Variants in TMEM63C observed in about 807,000 individuals in gnomAD.
TMEM63C encodes the protein osmosensitive cation channel TMEM63C.
A neutral mutation model predicts 99.2 loss-of-function variants in TMEM63C; 32 were observed. The observed-to-expected ratio is 0.32, with a 90% CI of 0.24 to 0.43. The LOEUF (loss-of-function observed/expected upper bound fraction) is 0.43. Ranked by LOEUF, TMEM63C falls within the 20% of genes least tolerant of loss-of-function variation. TMEM63C has a pLI of 1.00. For synonymous variants in TMEM63C, 376 were observed against 397.9 expected, an observed-to-expected ratio of 0.94 and a Z score of 0.66; for missense variants, 826 against 1,053.0, an observed-to-expected ratio of 0.78 and a Z score of 2.98.
chr14:77,224,247 G>T (rs1409048323), intron 5 of TMEM63C, among the ~76,000 whole-genome samples: 1 of 151,856 alleles, frequency 6.6e-6, no homozygotes, highest in Non-Finnish European at 1.5e-5. Flanking sequence ...AAGCAACGAG[G>T]ACAGGCAAAA....
At position 77,236,561 on chromosome 14, in the gene TMEM63C, C is replaced by G; in HGVS notation, c.543-63C>G. The stretch of plus-strand genomic sequence containing the variant: ...AGGGTAGGAGGAGGCCCAGGGGTCT[C>G]TGTGCAGTGGGCTCTGGGGAGCTCA... On this transcript the variant is annotated intron_variant, in intron 8 of 23. Transcript: ENST00000298351. The G allele has an allele frequency of 6.7e-6, 8 of 1,201,968 alleles. No homozygotes were observed. The Middle Eastern group carries it at 9.5e-4, about 143-fold the overall frequency. 74.5% of individuals were successfully genotyped at this position (1,201,968 alleles called of 1,614,324 possible).
chr14:77,242,298 TC>T, intron 13 of TMEM63C, 48 bp from the exon 14 acceptor site: 9 of 1,416,728 alleles, frequency 6.4e-6, no homozygotes, highest in African/African-American at 2.8e-5. Context: ...CCTAAGCCCA[TC>T]CCCCCACCCC....
At chr14:77,198,335 C>CA (rs1440249468) in intron 1 of TMEM63C, among the ~76,000 whole-genome samples, 2 of 152,230 alleles carry the variant, frequency 1.3e-5, no homozygotes, top group Non-Finnish European at 2.9e-5. Flanking sequence ...GAAGAGAGGC[C>CA]ACACACTGTG....
intron 1 of TMEM63C, among the ~76,000 whole-genome samples, chr14:77,190,012 G>C (rs1888076324): frequency 6.6e-6 from 1 of 152,256 alleles, no homozygotes; most frequent in Middle Eastern, 3.4e-3. Context: ...TGATTTTTTA[G>C]AGATGAGATA....
At position 77,255,712 on chromosome 14, in the gene TMEM63C, C is replaced by T. The variant is rs568378334; in HGVS notation, c.2221-814C>T. 6.9e-4 allele frequency among the ~76,000 whole-genome samples: 105 copies of T among 152,312 alleles called. 1 individual carries two copies. The highest frequency in any genetic ancestry group is 1.4e-3 in the Non-Finnish European group (95 of 68,030). On this transcript the variant is annotated intron_variant, in intron 23 of 23. Transcript: ENST00000298351. ...GTTAATTCCCATTCATTAATGATGCCGTCATGACCTTCTAATTAGGGGAAT... is the reference window on the plus strand; with the variant it reads ...GTTAATTCCCATTCATTAATGATGCTGTCATGACCTTCTAATTAGGGGAAT...
At chr14:77,239,813 C>A (rs1889133001) in intron 12 of TMEM63C, 87 bp downstream of exon 12, 2 of 1,517,046 alleles carry the variant, frequency 1.3e-6, no homozygotes, top group East Asian at 2.3e-5. Context: ...CACTGTTGGG[C>A]CCCAGGCCTC....
intron 2 of TMEM63C, among the ~76,000 whole-genome samples, chr14:77,215,824 C>G (rs528246291): frequency 6.6e-5 from 10 of 152,260 alleles, no homozygotes; most frequent in African/African-American, 7.2e-5. Flanking sequence ...GCAGTTCCCC[C>G]CTCCTCCTAC....
chr14:77,246,051 C>T (rs894322466), intron 17 of TMEM63C, 25 bp downstream of exon 17: 2 of 1,559,194 alleles, frequency 1.3e-6, no homozygotes, highest in Non-Finnish European at 1.8e-6. Flanking sequence ...ATTATCCCTT[C>T]CTTCTTAGCC....
intron 6 of TMEM63C, among the ~76,000 whole-genome samples, chr14:77,226,844 T>C (rs414563): frequency 0.18 from 26,623 of 150,828 alleles, 2,611 homozygotes; most frequent in Non-Finnish European, 0.22. Context: ...CTCAGCTCAC[T>C]GCAACCTCCG....
chr14:77,209,616 G>A (rs2140102292), intron 1 of TMEM63C, among the ~76,000 whole-genome samples: 1 of 152,318 alleles, frequency 6.6e-6, no homozygotes, highest in East Asian at 1.9e-4. Flanking sequence ...GGCCAGCTGT[G>A]TAAAGAGGGT....
chr14:77,243,025 A>G lies in TMEM63C; in HGVS notation c.1310A>G (p.Tyr437Cys). The change falls in exon 15 of 24, where the codon TAC becomes TGC. Residue 437 changes from tyrosine (Y) to cysteine (C), a missense_variant. Tyr to Cys is a radical substitution (Grantham distance 194). Coordinates refer to ENST00000298351, the MANE Select transcript of TMEM63C (RefSeq NM_020431.4). Reference sequence around the variant, plus strand: ...ATCATCATGAACACTATCGACATGTACAACGTCACCCGCCCCATCGAGAAG... The same window carrying G: ...ATCATCATGAACACTATCGACATGTGCAACGTCACCCGCCCCATCGAGAAG... Reference protein sequence around the residue: ...PAIIMNTIDMYNVTRPIEKLQ... With the variant: ...PAIIMNTIDMCNVTRPIEKLQ... The G allele has an allele frequency of 6.2e-7, 1 of 1,613,906 alleles. No homozygotes were observed. Among genetic ancestry groups the G allele is most frequent in the Non-Finnish European group, 8.5e-7 (1 of 1,179,894 alleles).
intron 21 of TMEM63C, among the ~76,000 whole-genome samples, chr14:77,251,344 T>G (rs1205864030): frequency 6.6e-6 from 1 of 152,204 alleles, no homozygotes; most frequent in Non-Finnish European, 1.5e-5. Flanking sequence ...CCAAATGTAA[T>G]GTAGGTGACT....
Position 77,248,477 on chromosome 14 carries a change from A to G in TMEM63C, c.1732A>G (p.Arg578Gly). 6.3e-7 allele frequency: 1 copy of G among 1,593,256 alleles called. No individual in the cohort carries two copies. Among genetic ancestry groups the G allele is most frequent in the Non-Finnish European group, 8.5e-7 (1 of 1,169,914 alleles). The change falls in exon 19 of 24, where the codon AGA becomes GGA. Residue 578 changes from arginine to glycine, a missense_variant. By Grantham distance (125) the Arg-to-Gly change is moderately radical (BLOSUM62 -2). Transcript: ENST00000298351. ...FCYSTRLFFSRSEPERVNIRK... is the reference protein window; with the variant it reads ...FCYSTRLFFSGSEPERVNIRK... Reference sequence around the variant, plus strand: ...CTACAGCACCCGCCTCTTCTTCTCTAGATCAGAGCCAGAGAGAGTCAACAT... The same window carrying G: ...CTACAGCACCCGCCTCTTCTTCTCTGGATCAGAGCCAGAGAGAGTCAACAT...
intron 20 of TMEM63C, among the ~76,000 whole-genome samples, chr14:77,249,086 T>C (rs908792788): frequency 4.6e-5 from 7 of 152,102 alleles, no homozygotes; most frequent in Middle Eastern, 3.4e-3. Flanking sequence ...GAATGACTCT[T>C]CACCAAGCTG....
chr14:77,238,513 C>T (rs1369753393), intron 9 of TMEM63C, among the ~76,000 whole-genome samples, 181 bp from the exon 10 acceptor site: 1 of 152,226 alleles, frequency 6.6e-6, no homozygotes, highest in Non-Finnish European at 1.5e-5. Flanking sequence ...GCAGCTGGCA[C>T]TTCCTTGGCC....
chr14:77,243,044 C>T lies in TMEM63C; in HGVS notation c.1329C>T (p.Ile443=), dbSNP rs372442995. 2.5e-6 allele frequency: 4 copies of T among 1,613,648 alleles called. No homozygotes were observed. The highest frequency in any genetic ancestry group is 1.3e-5 in the African/African-American group (1 of 74,934). The part of the protein sequence containing the change: ...TIDMYNVTRP[I]EKLQNPIVTQ... ...ACATGTACAACGTCACCCGCCCCAT[C>T]GAGAAGCTGCAGGTGCCTCCTCTGC... The change falls in exon 15 of 24, where the codon ATC becomes ATT. Residue 443 remains isoleucine, a synonymous_variant. Coordinates refer to ENST00000298351, the MANE Select transcript of TMEM63C (RefSeq NM_020431.4).
intron 7 of TMEM63C, 65 bp from the exon 8 acceptor site, chr14:77,233,387 T>C (rs998275763): frequency 2.1e-5 from 32 of 1,559,482 alleles, no homozygotes; most frequent in Non-Finnish European, 2.7e-5. Context: ...CCAGGAACCT[T>C]GAATTCTGGC....
intron 1 of TMEM63C, among the ~76,000 whole-genome samples, chr14:77,195,889 C>T (rs758336320): frequency 1.8e-4 from 27 of 152,338 alleles, no homozygotes; most frequent in African/African-American, 5.1e-4. Context: ...TGGATGCTTC[C>T]GGAGTACCCC....
Position 77,251,884 on chromosome 14 carries a change from G to T in TMEM63C, c.2134G>T (p.Val712Phe). 3 of 1,613,728 alleles carry T rather than the reference G, an allele frequency of 1.9e-6. No individual in the cohort carries two copies. The highest frequency in any genetic ancestry group is 2.5e-6 in the Non-Finnish European group (3 of 1,179,612). The change falls in exon 22 of 24, where the codon GTT becomes TTT. Residue 712 changes from valine (V) to phenylalanine (F), a missense_variant. Transcript: ENST00000298351. Reference sequence around the variant, plus strand: ...CATTTTTCTGGGGAAGCTTCGGATGGTTGCCGACTACGAGGTGAGTTGCCA... The same window carrying T: ...CATTTTTCTGGGGAAGCTTCGGATGTTTGCCGACTACGAGGTGAGTTGCCA... ...VGIFLGKLRM[V>F]ADYEPEEEEI...
Sources: gnomAD v4.1 joint callset for allele counts (sites outside exome capture counted in the v4.1 genomes callset) on GRCh38, gnomAD v4.1.1 for gene constraint, MANE v1.5 for transcripts, NCBI Gene and HGNC (gene_info 2026-07-23, HGNC 2026-07-21) for gene names.